Variants in SLC7A6 observed in about 807,000 individuals in gnomAD.
The protein encoded by SLC7A6 is solute carrier family 7 member 6, also known as Y+L amino acid transporter 2.
Under a neutral mutation model 46.6 loss-of-function variants are expected in SLC7A6, and 29 were observed. The observed-to-expected ratio is 0.62, with a 90% CI of 0.46 to 0.85. The LOEUF is 0.85. SLC7A6 is among the 40% of genes least tolerant of loss of function. The probability of loss-of-function intolerance (pLI) is 0.00; values close to 1 mark genes in which losing one functional copy is unlikely to be tolerated. For synonymous variants in SLC7A6, 276 were observed against 257.3 expected, an observed-to-expected ratio of 1.07 and a Z score of -0.70; for missense variants, 527 against 647.6, an observed-to-expected ratio of 0.81 and a Z score of 2.02.
chr16:68,300,854 A>G lies in SLC7A6; in HGVS notation c.*3526A>G, dbSNP rs1196461954. 2 of 987,766 alleles carry G rather than the reference A, an allele frequency of 2.0e-6. No homozygotes were observed. Among genetic ancestry groups the G allele is most frequent in the South Asian group, 4.7e-5 (1 of 21,430 alleles). The allele number at this position is 987,766 out of a possible 1,614,324, so 61.2% of individuals were successfully genotyped here. On this transcript the variant is annotated 3_prime_UTR_variant, in exon 11 of 11. Coordinates refer to ENST00000219343, the MANE Select transcript of SLC7A6 (RefSeq NM_003983.6). ...CTGGTACCCCTTTTAGATTCTATCA[A>G]AAGGAACAGGGTTTTCCTAGAGGCA...
intron 4 of SLC7A6, among the ~76,000 whole-genome samples, chr16:68,288,510 G>A (rs780183857): frequency 6.6e-6 from 1 of 152,142 alleles, no homozygotes; most frequent in Non-Finnish European, 1.5e-5. Flanking sequence ...AGGTCTTGAG[G>A]TGTCTTTAGC....
Position 68,291,303 on chromosome 16 carries a change from G to C in SLC7A6, c.889G>C (p.Asp297His), listed in dbSNP as rs760839296. Residue 297 changes from aspartate to histidine, a missense_variant, in exon 6 of 11, where the codon GAT becomes CAT. Physicochemically the swap from Asp to His is moderately conservative, Grantham distance 81 (BLOSUM62 -1). Transcript: ENST00000219343. ...VAYYTVLNIS[D>H]VLSSDAVAVT... is the part of the protein sequence containing the mutation. ...CTATTACACAGTGCTGAACATTTCA[G>C]ATGTCCTTAGCAGTGATGCTGTGGC... 1.2e-6 allele frequency: 2 copies of C among 1,614,178 alleles called. No individual in the cohort carries two copies. The highest frequency in any genetic ancestry group is 1.7e-6 in the Non-Finnish European group (2 of 1,180,040).
chr16:68,265,021 T>C (rs1425422941), intron 1 of SLC7A6, among the ~76,000 whole-genome samples: 6 of 152,310 alleles, frequency 3.9e-5, no homozygotes, highest in Non-Finnish European at 8.8e-5. Flanking sequence ...CGCCTCCGAC[T>C]GCAGGACGGA....
At chr16:68,282,799 T>C (rs1482842709) in intron 3 of SLC7A6, among the ~76,000 whole-genome samples, 1 of 152,194 alleles carries the variant, frequency 6.6e-6, no homozygotes, top group Non-Finnish European at 1.5e-5. Context: ...TTTGTATTTT[T>C]AGTAGAGACG....
At chr16:68,268,906 C>A (rs985230486) in intron 2 of SLC7A6, among the ~76,000 whole-genome samples, 2 of 152,078 alleles carry the variant, frequency 1.3e-5, no homozygotes, top group African/African-American at 4.8e-5. Context: ...ACTCGGAAAG[C>A]TGAGGCAGGA....
chr16:68,272,006 T>C (rs747623916), intron 2 of SLC7A6, among the ~76,000 whole-genome samples: 20 of 152,080 alleles, frequency 1.3e-4, no homozygotes, highest in African/African-American at 4.8e-4. Flanking sequence ...GGTTTCACCA[T>C]GTTGGCCAGG....
intron 3 of SLC7A6, among the ~76,000 whole-genome samples, chr16:68,276,459 G>A (rs1432940403): frequency 6.6e-6 from 1 of 152,142 alleles, no homozygotes; most frequent in Non-Finnish European, 1.5e-5. Context: ...GTTAAAAATA[G>A]CCTGAGAGTA....
In SLC7A6 at chr16:68,297,991, T is replaced by C. The variant is rs1178167199; in HGVS notation, c.*663T>C. On this transcript the variant is annotated 3_prime_UTR_variant, in exon 11 of 11. Coordinates refer to ENST00000219343, the MANE Select transcript of SLC7A6 (RefSeq NM_003983.6). ...TGGGTCAGACTCTGACCACAGGTTT[T>C]ATGCTGTTTAGCACAATTTCTATTG... The C allele has an allele frequency of 6.5e-6, 1 of 152,778 alleles. No individual in the cohort carries two copies. Among genetic ancestry groups the C allele is most frequent in the Admixed American group, 6.5e-5 (1 of 15,306 alleles). 9.5% of individuals were successfully genotyped at this position (152,778 alleles called of 1,614,324 possible). A position where few individuals can be genotyped will look rare whatever the true frequency, so the allele number is the denominator to read the frequency against.
chr16:68,290,639 C>G, intron 5 of SLC7A6, 99 bp downstream of exon 5: 1 of 1,395,542 alleles, frequency 7.2e-7, no homozygotes, highest in Non-Finnish European at 1.0e-6. Flanking sequence ...CTCCGACTCT[C>G]CTCCCCTCTT....
chr16:68,284,859 C>CTTTTTTTTTTTTTTTTTTTTTTTTTTT (rs71384525), intron 3 of SLC7A6, among the ~76,000 whole-genome samples: 1 of 95,606 alleles, frequency 1.0e-5, no homozygotes, highest in Non-Finnish European at 1.9e-5. Context: ...ATTTTCTCGT[C>CTTTTTTTTTTTTTTTTTTTTTTTTTTT]TTTTTTTTTT....
At chr16:68,283,371 C>G (rs769440904) in intron 3 of SLC7A6, among the ~76,000 whole-genome samples, 42 of 152,296 alleles carry the variant, frequency 2.8e-4, no homozygotes, top group Non-Finnish European at 5.4e-4. Flanking sequence ...TATTGAAGCT[C>G]TAGCTGTCAT....
chr16:68,275,085 G>A lies in SLC7A6; in HGVS notation c.359G>A (p.Gly120Glu), dbSNP rs2042685168. 1 of 1,613,992 alleles carries A rather than the reference G, an allele frequency of 6.2e-7. No individual in the cohort carries two copies. The highest frequency in any genetic ancestry group is 1.3e-5 in the African/African-American group (1 of 74,884). Residue 120 changes from glycine (G) to glutamate (E), a missense_variant, in exon 3 of 11, where the codon GGG (glycine) becomes GAG (glutamate). Transcript: ENST00000219343. ...ASYAYILEAF[G>E]GFIAFIRLWV... ...TACGCTTATATTCTAGAGGCCTTTG[G>A]GGGCTTCATTGCCTTCATCCGCCTG...
chr16:68,269,841 C>T (rs1259653638), intron 2 of SLC7A6, among the ~76,000 whole-genome samples: 1 of 152,118 alleles, frequency 6.6e-6, no homozygotes. Flanking sequence ...CATCATGGTT[C>T]ACTGCAGCCT....
At chr16:68,291,789 GT>G in intron 7 of SLC7A6, 128 bp downstream of exon 7, 2 of 726,626 alleles carry the variant, frequency 2.8e-6, no homozygotes, top group Non-Finnish European at 4.6e-6. Context: ...GTGTGTGTGT[GT>G]GTGTGTGTGT....
intron 2 of SLC7A6, among the ~76,000 whole-genome samples, chr16:68,268,826 G>T (rs1030947644): frequency 1.3e-5 from 2 of 152,106 alleles, no homozygotes; most frequent in East Asian, 3.9e-4. Context: ...TGACCAATAT[G>T]GTGAAACCCC....
rs2043250473 is a variant in SLC7A6, at chr16:68,300,474, A to G, written c.*3146A>G. On this transcript the variant is annotated 3_prime_UTR_variant, in exon 11 of 11. Coordinates refer to ENST00000219343, the MANE Select transcript of SLC7A6 (RefSeq NM_003983.6). ...GTGAAGAGTAAACATTACTCAGTGG[A>G]AAGCTAAGTTCAGAAGGTACTTTGT... 1 of 294,332 alleles carries G rather than the reference A, an allele frequency of 3.4e-6. No individual in the cohort carries two copies. Among genetic ancestry groups the G allele is most frequent in the Non-Finnish European group, 5.0e-6 (1 of 198,380 alleles). The allele number at this position is 294,332 out of a possible 1,614,324, so 18.2% of individuals were successfully genotyped here.
At position 68,284,859 on chromosome 16, in the gene SLC7A6, C is replaced by T. The variant is rs201321972; in HGVS notation, c.524-2887C>T. Among the ~76,000 whole-genome samples the T allele has an allele frequency of 9.2e-4, 88 of 95,606 alleles. 1 individual carries two copies. Among genetic ancestry groups the T allele is most frequent in the Non-Finnish European group, 1.0e-3 (54 of 54,026 alleles). 62.7% of individuals were successfully genotyped at this position (95,606 alleles called of 152,430 possible). On this transcript the variant is annotated intron_variant, in intron 3 of 10. Transcript: ENST00000219343. ...CTGTCTCTTCTGTGTATTTTCTCGT[C>T]TTTTTTTTTTTTTTTTTTAGAGACA...
At position 68,290,633 on chromosome 16, in the gene SLC7A6, G is replaced by C. The variant is rs552781476; in HGVS notation, c.794+93G>C. The C allele has an allele frequency of 1.9e-5, 28 of 1,439,618 alleles. No homozygotes were observed. The South Asian group carries it at 2.1e-4, about 11-fold the overall frequency. The allele number at this position is 1,439,618 out of a possible 1,614,324, so 89.2% of individuals were successfully genotyped here. A position where few individuals can be genotyped will look rare whatever the true frequency, so the allele number is the denominator to read the frequency against. Reference sequence around the variant, plus strand: ...CCCTCATCCTTCTCCTCCTCCCTCCGACTCTCCTCCCCTCTTCTCCCTACT... The same window carrying C: ...CCCTCATCCTTCTCCTCCTCCCTCCCACTCTCCTCCCCTCTTCTCCCTACT... On this transcript the variant is annotated intron_variant, in intron 5 of 10. Transcript: ENST00000219343.
In SLC7A6 at chr16:68,287,888, G is replaced by A; in HGVS notation, c.649+17G>A. The A allele has an allele frequency of 1.9e-6, 3 of 1,611,582 alleles. No homozygotes were observed. The highest frequency in any genetic ancestry group is 2.5e-6 in the Non-Finnish European group (3 of 1,178,340). ...TGTGCCAGGGTAAGTGGTGGGAAGG[G>A]GGGTACCACCAACAGTTCCTCTGGA... is the stretch of plus-strand genomic sequence containing the variant. On this transcript the variant is annotated intron_variant, in intron 4 of 10. Transcript: ENST00000219343.
Sources: gnomAD v4.1 joint callset for allele counts (sites outside exome capture counted in the v4.1 genomes callset) on GRCh38, gnomAD v4.1.1 for gene constraint, MANE v1.5 for transcripts, NCBI Gene and HGNC (gene_info 2026-07-23, HGNC 2026-07-21) for gene names.